SEMA6D: variants seen among roughly 807,000 people sequenced by gnomAD.
The protein encoded by SEMA6D is semaphorin 6D, also known as semaphorin-6D.
SEMA6D carries 35 observed loss-of-function variants against 106.6 expected under a neutral mutation model. The ratio of observed to expected loss-of-function variants is 0.33; its 90% CI spans 0.25 to 0.44. The LOEUF is 0.44. SEMA6D is among the 20% of genes least tolerant of loss of function. The pLI is 1.00. For missense variants in SEMA6D, 1,185 were observed against 1,345.9 expected (o/e 0.88, Z 1.87); for synonymous variants, 499 against 487.7 (o/e 1.02, Z -0.31).
At chr15:47,209,674 T>G (rs2141199882) in intron 1 of SEMA6D, among the ~76,000 whole-genome samples, 1 of 152,310 alleles carries the variant, frequency 6.6e-6, no homozygotes, top group East Asian at 1.9e-4. Flanking sequence ...GAAGAAATCT[T>G]AAGCTGAAAT....
chr15:47,367,688 GCGCGCACACACACACACACACA>G (rs1182226399), intron 1 of SEMA6D, among the ~76,000 whole-genome samples: 10 of 44,254 alleles, frequency 2.3e-4, no homozygotes, highest in African/African-American at 6.1e-4. Flanking sequence ...ACGCGCGCGC[GCGCGCACACACACACACACACA>G]CACACACACA....
intron 2 of SEMA6D, among the ~76,000 whole-genome samples, chr15:47,452,997 C>G (rs1249418428): frequency 1.3e-5 from 2 of 151,504 alleles, no homozygotes; most frequent in African/African-American, 4.8e-5. Context: ...ATTGCATTAC[C>G]TTCTCATTTG....
At chr15:47,269,494 C>T (rs1381360472) in intron 1 of SEMA6D, among the ~76,000 whole-genome samples, 1 of 151,978 alleles carries the variant, frequency 6.6e-6, no homozygotes, top group Non-Finnish European at 1.5e-5. Context: ...CAATAAGTTA[C>T]ACTGTTTTAT....
chr15:47,215,303 A>G (rs775919863), intron 1 of SEMA6D, among the ~76,000 whole-genome samples: 124 of 151,882 alleles, frequency 8.2e-4, no homozygotes, highest in Non-Finnish European at 1.5e-3. Flanking sequence ...GAACCAGGTT[A>G]TAGTTGCCCT....
chr15:47,620,817 C>T (rs2077085210), intron 4 of SEMA6D, among the ~76,000 whole-genome samples: 1 of 151,840 alleles, frequency 6.6e-6, no homozygotes, highest in Admixed American at 6.6e-5. Flanking sequence ...AGCTACTCAT[C>T]TCTCCAATGT....
At chr15:47,594,082 G>A (rs1297651986) in intron 3 of SEMA6D, among the ~76,000 whole-genome samples, 1 of 152,348 alleles carries the variant, frequency 6.6e-6, no homozygotes, top group African/African-American at 2.4e-5. Flanking sequence ...TCAGTGCATA[G>A]ACAACATAAT....
intron 1 of SEMA6D, among the ~76,000 whole-genome samples, chr15:47,253,259 A>C (rs1566952807): frequency 6.6e-6 from 1 of 151,928 alleles, no homozygotes; most frequent in Non-Finnish European, 1.5e-5. Flanking sequence ...TGCATGTTAA[A>C]CTCTGTCAGA....
In SEMA6D at chr15:47,234,633, A is replaced by G. The variant is rs376228913; in HGVS notation, c.-239+50215A>G. On this transcript the variant is annotated intron_variant, in intron 1 of 19. Transcript: ENST00000558014. ...TCATTCCTGAATTACTTCACTTGGAATAATGGCCTCCAGCTCCATCCAAGT... is the reference window on the plus strand; with the variant it reads ...TCATTCCTGAATTACTTCACTTGGAGTAATGGCCTCCAGCTCCATCCAAGT... Among the ~76,000 whole-genome samples the G allele has an allele frequency of 1.4e-4, 21 of 152,192 alleles. No individual in the cohort carries two copies. The East Asian group carries it at 3.5e-3, about 25-fold the overall frequency.
chr15:47,186,810 A>T (rs1421444396), intron 1 of SEMA6D, among the ~76,000 whole-genome samples: 21 of 152,166 alleles, frequency 1.4e-4, no homozygotes, highest in Admixed American at 1.4e-3. Flanking sequence ...TCATCTTCTG[A>T]AGTCTCCAGA....
intron 4 of SEMA6D, among the ~76,000 whole-genome samples, chr15:47,651,618 C>T (rs2077693020): frequency 6.6e-6 from 1 of 152,198 alleles, no homozygotes; most frequent in East Asian, 1.9e-4. Flanking sequence ...ACATACCCTG[C>T]CCCTGTTTTC....
intron 1 of SEMA6D, among the ~76,000 whole-genome samples, chr15:47,388,562 G>A (rs1567044935): frequency 6.6e-6 from 1 of 151,988 alleles, no homozygotes; most frequent in Non-Finnish European, 1.5e-5. Flanking sequence ...TAGCTGTCTG[G>A]CCATCAGATC....
intron 3 of SEMA6D, among the ~76,000 whole-genome samples, chr15:47,526,103 T>C (rs2044746505): frequency 6.6e-6 from 1 of 152,170 alleles, no homozygotes; most frequent in Non-Finnish European, 1.5e-5. Flanking sequence ...AGCCTTTGTG[T>C]CTAACTTCAA....
intron 4 of SEMA6D, among the ~76,000 whole-genome samples, chr15:47,608,207 G>A (rs1171766693): frequency 6.6e-6 from 1 of 152,098 alleles, no homozygotes; most frequent in Non-Finnish European, 1.5e-5. Flanking sequence ...TTACTTAGAT[G>A]ATTTAAAAGA....
chr15:47,240,619 A>G (rs1197706465), intron 1 of SEMA6D, among the ~76,000 whole-genome samples: 1 of 152,166 alleles, frequency 6.6e-6, no homozygotes, highest in Non-Finnish European at 1.5e-5. Flanking sequence ...TTATGTCATT[A>G]GAGGAATTTT....
chr15:47,401,234 AT>A (rs2040387515), intron 1 of SEMA6D, among the ~76,000 whole-genome samples: 2 of 152,106 alleles, frequency 1.3e-5, no homozygotes, highest in Non-Finnish European at 1.5e-5. Flanking sequence ...CAGTCATTTT[AT>A]TTTACTCCTC....
At chr15:47,761,625 T>C in intron 6 of SEMA6D, 36 bp from the exon 7 acceptor site, 2 of 1,497,354 alleles carry the variant, frequency 1.3e-6, no homozygotes, top group South Asian at 2.4e-5. Context: ...GCACGTTGAA[T>C]AGATATGACA....
Position 47,761,030 on chromosome 15 carries a change from C to A in SEMA6D, c.274C>A (p.Pro92Thr). The A allele has an allele frequency of 4.3e-6, 7 of 1,613,430 alleles. No homozygotes were observed. The highest frequency in any genetic ancestry group is 5.9e-6 in the Non-Finnish European group (7 of 1,179,622). ...LNEMPKTEVI[P>T]NKKLTWRSRQ... ...TGAAATGCCCAAAACAGAAGTAATA[C>A]CCAACAAGGTGAGCAACTGTAGTTG... Residue 92 changes from proline (P) to threonine (T), a missense_variant, in exon 4 of 19, where the codon CCC becomes ACC. Physicochemically the swap from Pro to Thr is conservative, Grantham distance 38. Transcript: ENST00000536845.
intron 4 of SEMA6D, among the ~76,000 whole-genome samples, chr15:47,645,772 A>C (rs1294191898): frequency 6.6e-6 from 1 of 152,168 alleles, no homozygotes; most frequent in Admixed American, 6.5e-5. Flanking sequence ...CCAACCAGCT[A>C]TACATTGGGA....
chr15:47,526,840 GAT>G (rs2044775899), intron 3 of SEMA6D, among the ~76,000 whole-genome samples: 1 of 151,948 alleles, frequency 6.6e-6, no homozygotes, highest in Non-Finnish European at 1.5e-5. Flanking sequence ...GGGTTCAAGC[GAT>G]TCTCCTGCCT....
Sources: gnomAD v4.1 joint callset for allele counts (sites outside exome capture counted in the v4.1 genomes callset) on GRCh38, gnomAD v4.1.1 for gene constraint, MANE v1.5 for transcripts, NCBI Gene and HGNC (gene_info 2026-07-23, HGNC 2026-07-21) for gene names.